The following KIF2C variants were observed in gnomAD, a reference collection of about 807,000 sequenced individuals.
KIF2C encodes kinesin-like protein KIF2C.
KIF2C carries 34 observed loss-of-function variants against 97.4 expected under a neutral mutation model. The ratio of observed to expected loss-of-function variants is 0.35; its 90% confidence interval spans 0.27 to 0.46. The LOEUF (loss-of-function observed/expected upper bound fraction) is 0.46, where lower values mean the gene tolerates loss of function less well. Ranked by LOEUF, KIF2C falls within the 20% of genes least tolerant of loss-of-function variation. The probability of loss-of-function intolerance (pLI) is 1.00; values close to 1 mark genes in which losing one functional copy is unlikely to be tolerated. For missense variants in KIF2C, 750 were observed against 907.6 expected (o/e 0.83, Z 2.23); for synonymous variants, 313 against 318.2 (o/e 0.98, Z 0.17).
Position 44,757,784 on chromosome 1 carries a change from G to T in KIF2C, c.1069-124G>T, listed in dbSNP as rs374960528. The T allele has an allele frequency of 2.8e-4, 320 of 1,152,986 alleles. 4 individuals carry two copies. The South Asian group carries it at 3.8e-3, about 14-fold the overall frequency. 71.4% of individuals were successfully genotyped at this position (1,152,986 alleles called of 1,614,324 possible). A position where few individuals can be genotyped will look rare whatever the true frequency, so the allele number is the denominator to read the frequency against. On this transcript the variant is annotated intron_variant, in intron 11 of 20. Coordinates refer to ENST00000372224, the MANE Select transcript of KIF2C (RefSeq NM_006845.4). ...ACCAGATAGCCTTGCCATGTCAGAT[G>T]CAGGGAGGGGCTTTAGGTCCAGCCT...
intron 10 of KIF2C, among the ~76,000 whole-genome samples, chr1:44,756,544 C>CTTTTTTTTTTTT (rs67641740): frequency 1.5e-5 from 1 of 65,242 alleles, no homozygotes; most frequent in Non-Finnish European, 2.6e-5. Context: ...GCTCTATCTG[C>CTTTTTTTTTTTT]TTTTTTTTTT....
In KIF2C at chr1:44,767,042, TG is replaced by T; in HGVS notation, c.2096-50del. 4 of 1,608,640 alleles carry T rather than the reference TG, an allele frequency of 2.5e-6. No homozygotes were observed. The Admixed American group carries it at 6.7e-5, about 27-fold the overall frequency. On this transcript the variant is annotated intron_variant, in intron 20 of 20. Coordinates refer to ENST00000372224, the MANE Select transcript of KIF2C (RefSeq NM_006845.4). ...TGATGGCAGCTCTGCCCTGAGTGAA[TG>T]GGGGCTCCTCAGACTCTCACTAACC...
At chr1:44,761,616 AAAAG>A (rs1650150086) in intron 16 of KIF2C, among the ~76,000 whole-genome samples, 1 of 149,946 alleles carries the variant, frequency 6.7e-6, no homozygotes, top group African/African-American at 2.5e-5. Flanking sequence ...TCAAAAAAAA[AAAAG>A]AAAAAAGAAA....
intron 8 of KIF2C, among the ~76,000 whole-genome samples, chr1:44,755,352 A>G (rs1573565723): frequency 6.6e-6 from 1 of 152,020 alleles, no homozygotes; most frequent in Non-Finnish European, 1.5e-5. Context: ...TGCAGCCTCC[A>G]CCTCCCAGGT....
At chr1:44,742,098 G>A (rs1393820713) in intron 2 of KIF2C, among the ~76,000 whole-genome samples, 1 of 151,012 alleles carries the variant, frequency 6.6e-6, no homozygotes, top group African/African-American at 2.4e-5. Context: ...AATTTTCTGG[G>A]TTTTTTTTGT....
chr1:44,741,970 C>T (rs934164024), intron 2 of KIF2C, among the ~76,000 whole-genome samples: 1 of 124,586 alleles, frequency 8.0e-6, no homozygotes, highest in African/African-American at 3.2e-5. Context: ...CTCCAGCCTC[C>T]TGGGCAACAG....
Position 44,742,736 on chromosome 1 carries a change from AAC to A in KIF2C, c.165+1731_165+1732del, listed in dbSNP as rs1291601920. On this transcript the variant is annotated intron_variant, in intron 2 of 20. Coordinates refer to ENST00000372224, the MANE Select transcript of KIF2C (RefSeq NM_006845.4). ...TTCGTCTCAAAAAAAAAAAAAAAAAAACAAACTGCACAGAATTTTAGGTTTTA... is the reference window on the plus strand; with the variant it reads ...TTCGTCTCAAAAAAAAAAAAAAAAAAAAACTGCACAGAATTTTAGGTTTTA... 4.6e-5 allele frequency among the ~76,000 whole-genome samples: 7 copies of A among 151,230 alleles called. 1 individual carries two copies. The highest frequency in any genetic ancestry group is 2.1e-4 in the South Asian group (1 of 4,800).
At chr1:44,746,890 G>T (rs978406449) in intron 2 of KIF2C, 3 of 961,530 alleles carry the variant, frequency 3.1e-6, no homozygotes, top group Admixed American at 2.9e-5. Flanking sequence ...TTGTTTTTTT[G>T]TTTGTTTGTT....
In KIF2C at chr1:44,750,498, CAGG is replaced by C. The variant is rs571381261; in HGVS notation, c.376_378del (p.Glu126del). ...TGTCTCAGAGCTTCGCATCACGGCT[CAGG>C]AGAATGACATGGAGGTGGAGCTGCC... On this transcript the variant is annotated inframe_deletion, in exon 5 of 21. Transcript: ENST00000372224. The C allele has an allele frequency of 6.0e-5, 95 of 1,594,492 alleles. No individual in the cohort carries two copies. Among genetic ancestry groups the C allele is most frequent in the Non-Finnish European group, 8.0e-5 (93 of 1,168,566 alleles).
intron 13 of KIF2C, among the ~76,000 whole-genome samples, chr1:44,758,865 A>C (rs1649988166): frequency 6.6e-6 from 1 of 152,104 alleles, no homozygotes; most frequent in Non-Finnish European, 1.5e-5. Context: ...GATACGAGCG[A>C]AACTCCGTCT....
chr1:44,740,082 G>C, intron 1 of KIF2C, 80 bp downstream of exon 1: 2 of 1,514,322 alleles, frequency 1.3e-6, no homozygotes, highest in Middle Eastern at 1.7e-4. Context: ...CGGACACACA[G>C]ATGGGCTTTC....
intron 2 of KIF2C, among the ~76,000 whole-genome samples, chr1:44,744,018 C>A (rs1195542689): frequency 6.6e-6 from 1 of 151,254 alleles, no homozygotes; most frequent in African/African-American, 2.4e-5. Context: ...AGATCAAATA[C>A]TGCTTTTGGA....
chr1:44,747,241 G>C (rs1381406462), intron 2 of KIF2C, 143 bp from the exon 3 acceptor site: 1 of 663,142 alleles, frequency 1.5e-6, no homozygotes, highest in Non-Finnish European at 2.6e-6. Flanking sequence ...CCAGGAGGCA[G>C]AGGTTGCATT....
intron 8 of KIF2C, among the ~76,000 whole-genome samples, chr1:44,755,564 G>A (rs1649786978): frequency 1.3e-5 from 2 of 152,214 alleles, no homozygotes; most frequent in Non-Finnish European, 2.9e-5. Flanking sequence ...ATGCCCAGCC[G>A]AGGTTATTTT....
chr1:44,752,685 A>G (rs1649591877), intron 5 of KIF2C, among the ~76,000 whole-genome samples: 1 of 152,128 alleles, frequency 6.6e-6, no homozygotes, highest in Non-Finnish European at 1.5e-5. Flanking sequence ...ACCTTTCTGT[A>G]TTGAATCAAT....
chr1:44,762,576 A>AGAT lies in KIF2C; in HGVS notation c.1891_1893dup (p.Met631dup). ...AAGGAAGAGGAGGAACTGTCTTCCC[A>AGAT]GATGTCCAGCTTTAACGAAGCCATG... On this transcript the variant is annotated inframe_insertion, in exon 19 of 21. Coordinates refer to ENST00000372224, the MANE Select transcript of KIF2C (RefSeq NM_006845.4). 1 of 1,614,150 alleles carries AGAT rather than the reference A, an allele frequency of 6.2e-7. No individual in the cohort carries two copies. Among genetic ancestry groups the AGAT allele is most frequent in the Non-Finnish European group, 8.5e-7 (1 of 1,179,994 alleles).
At chr1:44,759,835 C>A (rs551697633) in intron 14 of KIF2C, among the ~76,000 whole-genome samples, 1 of 152,254 alleles carries the variant, frequency 6.6e-6, no homozygotes, top group East Asian at 1.9e-4. Flanking sequence ...GGTTCATACC[C>A]CCTCTGCACA....
At position 44,762,342 on chromosome 1, in the gene KIF2C, T is replaced by C; in HGVS notation, c.1752-4T>C. The C allele has an allele frequency of 6.2e-7, 1 of 1,611,084 alleles. No individual in the cohort carries two copies. ...TGGGATCTGAGACCTCCTTGTTTCC[T>C]CAGGGTCAAGGAGCTGAGCCCCCAC... On this transcript the variant is annotated splice_polypyrimidine_tract_variant and splice_region_variant and intron_variant, in intron 17 of 20. Coordinates refer to ENST00000372224, the MANE Select transcript of KIF2C (RefSeq NM_006845.4).
intron 16 of KIF2C, among the ~76,000 whole-genome samples, chr1:44,761,625 A>G (rs1293993439): frequency 6.6e-6 from 1 of 150,746 alleles, no homozygotes; most frequent in African/African-American, 2.5e-5. Flanking sequence ...AAAAAGAAAA[A>G]AGAAAAAGAT....
Sources: gnomAD v4.1 joint callset for allele counts (sites outside exome capture counted in the v4.1 genomes callset) on GRCh38, gnomAD v4.1.1 for gene constraint, MANE v1.5 for transcripts, NCBI Gene and HGNC (gene_info 2026-07-23, HGNC 2026-07-21) for gene names.